The following KLF13 variants were observed in gnomAD, a reference collection of about 807,000 sequenced individuals.
The protein encoded by KLF13 is Krueppel-like factor 13.
In KLF13, 8 loss-of-function variants were observed where a neutral mutation model predicts 16.7. The observed-to-expected ratio is 0.48, with a 90% CI of 0.28 to 0.87. The LOEUF (loss-of-function observed/expected upper bound fraction) is 0.87. Among genes scored for constraint, KLF13 ranks in the 40% least tolerant of loss-of-function variants. The pLI, the probability that KLF13 is intolerant of heterozygous loss-of-function variation, is 0.10. For synonymous variants in KLF13, 245 were observed against 208.4 expected (o/e 1.18, Z -1.51); for missense variants, 447 against 452.2 (o/e 0.99, Z 0.10).
At chr15:31,331,369 G>T (rs1375649629) in intron 1 of KLF13, among the ~76,000 whole-genome samples, 1 of 152,210 alleles carries the variant, frequency 6.6e-6, no homozygotes, top group Non-Finnish European at 1.5e-5. Flanking sequence ...GTGATAATTT[G>T]GGTGGGGTTC....
chr15:31,423,746 G>A (rs986327484), intron 1 of KLF13, among the ~76,000 whole-genome samples: 5 of 152,154 alleles, frequency 3.3e-5, no homozygotes, highest in African/African-American at 9.7e-5. Context: ...ACATTCTTCA[G>A]GATAGATCAC....
chr15:31,334,614 G>A (rs1472914464), intron 1 of KLF13, among the ~76,000 whole-genome samples: 3 of 152,088 alleles, frequency 2.0e-5, no homozygotes, highest in Non-Finnish European at 2.9e-5. Flanking sequence ...TTTTAGTAGA[G>A]ACGGGGTTTC....
intron 1 of KLF13, among the ~76,000 whole-genome samples, chr15:31,339,346 G>A (rs1320248514): frequency 6.6e-6 from 1 of 152,134 alleles, no homozygotes; most frequent in Non-Finnish European, 1.5e-5. Flanking sequence ...TCCCTTTATA[G>A]GAGGAATGTT....
chr15:31,422,139 A>C (rs12372971), intron 1 of KLF13, among the ~76,000 whole-genome samples: 34,407 of 84,624 alleles, frequency 0.41, 4,531 homozygotes, highest in East Asian at 0.58. Context: ...AAACAAAAAA[A>C]AAAAAAAAAG....
intron 1 of KLF13, among the ~76,000 whole-genome samples, chr15:31,428,640 A>G (rs888514687): frequency 1.3e-5 from 2 of 151,932 alleles, no homozygotes; most frequent in Admixed American, 6.6e-5. Context: ...CCCCGTCTCT[A>G]CTAAAAAATA....
In KLF13 at chr15:31,432,960, C is replaced by G. The variant is rs543209378; in HGVS notation, n.118-2410C>G. 7.2e-4 allele frequency among the ~76,000 whole-genome samples: 110 copies of G among 152,280 alleles called. 1 individual carries two copies. Among genetic ancestry groups the G allele is most frequent in the African/African-American group, 2.6e-3 (107 of 41,544 alleles). ...TGAAACCCCATCTCTACTAAAAATA[C>G]AAAAATTAGCTGGAATGGTGGCACA... On this transcript the variant is annotated intron_variant and non_coding_transcript_variant, in intron 1 of 1. Coordinates refer to the KLF13 transcript ENST00000558225.
intron 1 of KLF13, among the ~76,000 whole-genome samples, chr15:31,338,094 C>T (rs2038960490): frequency 6.6e-6 from 1 of 152,168 alleles, no homozygotes; most frequent in Admixed American, 6.5e-5. Flanking sequence ...TTTGAAGTTT[C>T]CCTAATGATG....
intron 1 of KLF13, chr15:31,420,594 G>T: frequency 2.3e-6 from 1 of 437,676 alleles, no homozygotes; most frequent in Non-Finnish European, 4.3e-6. Flanking sequence ...GTTGAGTTCT[G>T]GAAAAACCCT....
intron 1 of KLF13, among the ~76,000 whole-genome samples, chr15:31,338,722 C>CA (rs2038973593): frequency 6.6e-6 from 1 of 152,132 alleles, no homozygotes; most frequent in Non-Finnish European, 1.5e-5. Context: ...CTCTGCAAAC[C>CA]AGGGGGGCCA....
intron 1 of KLF13, among the ~76,000 whole-genome samples, chr15:31,347,544 T>TA (rs2039143371): frequency 1.3e-5 from 2 of 152,042 alleles, no homozygotes; most frequent in African/African-American, 4.8e-5. Context: ...GCCCAGGAGG[T>TA]GACTCTGCCT....
At chr15:31,417,327 T>G (rs1405092937) in intron 1 of KLF13, among the ~76,000 whole-genome samples, 1 of 151,872 alleles carries the variant, frequency 6.6e-6, no homozygotes, top group Non-Finnish European at 1.5e-5. Context: ...AAACCCCATC[T>G]CTACTAAAAA....
intron 1 of KLF13, among the ~76,000 whole-genome samples, chr15:31,344,621 C>T (rs979167718): frequency 1.3e-5 from 2 of 152,188 alleles, no homozygotes; most frequent in African/African-American, 4.8e-5. Context: ...GGGGTTTGGG[C>T]CAGTGGGGAG....
chr15:31,327,983 G>A (rs1162794934), intron 1 of KLF13, among the ~76,000 whole-genome samples, 194 bp downstream of exon 1: 1 of 147,640 alleles, frequency 6.8e-6, no homozygotes, highest in Non-Finnish European at 1.5e-5. Flanking sequence ...CTTGGCTCTC[G>A]GAGCCGGCGC....
intron 1 of KLF13, among the ~76,000 whole-genome samples, chr15:31,347,165 C>T (rs1313666949): frequency 2.0e-5 from 3 of 152,176 alleles, no homozygotes; most frequent in Non-Finnish European, 4.4e-5. Context: ...GGCGTTCCCC[C>T]CTCCATTGCT....
Position 31,327,431 on chromosome 15 carries a change from G to C in KLF13, c.219G>C (p.Gln73His). Residue 73 changes from glutamine to histidine, a missense_variant, in exon 1 of 2, where the codon CAG becomes CAC. Gln to His is a conservative substitution (Grantham distance 24). Coordinates refer to ENST00000307145, the MANE Select transcript of KLF13 (RefSeq NM_015995.4). ...CGCGGATCCTAGCGGACCTCAACCA[G>C]CAAGCGCCGGCGCCCGCCCCGGCGG... ...VVARILADLN[Q>H]QAPAPAPAER... The C allele has an allele frequency of 6.8e-6, 8 of 1,171,712 alleles. No individual in the cohort carries two copies. Among genetic ancestry groups the C allele is most frequent in the East Asian group, 4.4e-5 (1 of 22,980 alleles). The allele number at this position is 1,171,712 out of a possible 1,614,324, so 72.6% of individuals were successfully genotyped here. A position where few individuals can be genotyped will look rare whatever the true frequency, so the allele number is the denominator to read the frequency against.
At chr15:31,417,377 C>A (rs1350390714) in intron 1 of KLF13, among the ~76,000 whole-genome samples, 3 of 151,394 alleles carry the variant, frequency 2.0e-5, no homozygotes, top group African/African-American at 7.3e-5. Flanking sequence ...CGCCTGTAAT[C>A]CCAGCTACTC....
intron 1 of KLF13, among the ~76,000 whole-genome samples, chr15:31,330,999 G>T (rs964520569): frequency 6.6e-6 from 1 of 152,236 alleles, no homozygotes; most frequent in Non-Finnish European, 1.5e-5. Context: ...TGGTTGCCCA[G>T]ATCCTGCCTC....
intron 1 of KLF13, among the ~76,000 whole-genome samples, chr15:31,361,587 A>T (rs1265905087): frequency 6.6e-6 from 1 of 151,952 alleles, no homozygotes; most frequent in Non-Finnish European, 1.5e-5. Context: ...GGAGGAAATG[A>T]AGGCTGGGGG....
rs1418042616 is a variant in KLF13, at chr15:31,327,110, C to T, written c.-103C>T. 3.1e-6 allele frequency: 3 copies of T among 977,470 alleles called. No homozygotes were observed. The highest frequency in any genetic ancestry group is 3.5e-5 in the African/African-American group (2 of 56,818). 60.5% of individuals were successfully genotyped at this position (977,470 alleles called of 1,614,324 possible). A position where few individuals can be genotyped will look rare whatever the true frequency, so the allele number is the denominator to read the frequency against. ...AGCCCAGCCCAGCCCGAGGAGAGGG[C>T]GCGCCGCGCCCCCGCCCCCCGCCCG... is the stretch of plus-strand genomic sequence containing the variant. On this transcript the variant is annotated 5_prime_UTR_variant, in exon 1 of 2. Coordinates refer to ENST00000307145, the MANE Select transcript of KLF13 (RefSeq NM_015995.4).
Sources: allele counts gnomAD v4.1 joint callset (sites outside exome capture counted in the v4.1 genomes callset), GRCh38; gene constraint gnomAD v4.1.1; transcripts MANE v1.5; gene names NCBI Gene and HGNC (gene_info 2026-07-23, HGNC 2026-07-21).